ABCA9: variants seen among roughly 807,000 people sequenced by gnomAD.
The protein encoded by ABCA9 is ATP-binding cassette sub-family A member 9.
In ABCA9, 183 loss-of-function variants were observed where a neutral mutation model predicts 205.3. That is an observed-to-expected ratio of 0.89 (90% CI 0.79 to 1.01). The LOEUF (loss-of-function observed/expected upper bound fraction) is 1.01. Among genes scored for constraint, ABCA9 ranks in the 50% least tolerant of loss-of-function variants. The pLI, the probability that ABCA9 is intolerant of heterozygous loss-of-function variation, is 0.00. For synonymous variants in ABCA9, 651 were observed against 683.3 expected (o/e 0.95, Z 0.74); for missense variants, 1,805 against 1,912.4 (o/e 0.94, Z 1.05).
At chr17:68,996,295 A>T (rs2069622223) in intron 25 of ABCA9, among the ~76,000 whole-genome samples, 1 of 152,212 alleles carries the variant, frequency 6.6e-6, no homozygotes, top group Admixed American at 6.5e-5. Context: ...TAAAGTGATT[A>T]TTTATTGTAC....
chr17:69,011,776 C>T (rs781706621), intron 23 of ABCA9, 200 bp downstream of exon 23: 20 of 466,674 alleles, frequency 4.3e-5, no homozygotes, highest in Non-Finnish European at 7.6e-5. Flanking sequence ...GACATCTAAG[C>T]TGTCCTTCCT....
the ABCA9 span, among the ~76,000 whole-genome samples, chr17:69,069,294 C>T: frequency 7.8e-4 from 119 of 152,266 alleles, 1 homozygote; most frequent in South Asian, 0.013. Flanking sequence ...ATTGGTAGGA[C>T]GGAATGCATA....
Position 69,027,897 on chromosome 17 carries a change from TG to T in ABCA9, c.1616-83del, listed in dbSNP as rs2071045084. On this transcript the variant is annotated intron_variant, in intron 12 of 38. Coordinates refer to ENST00000340001, the MANE Select transcript of ABCA9 (RefSeq NM_080283.4). ...ATCTTTTAAAATGGAAAACACTGTA[TG>T]TCAATTATTAGATTCATTTCAACAT... The T allele has an allele frequency of 2.8e-6, 3 of 1,080,592 alleles. No homozygotes were observed. In the East Asian group the frequency reaches 7.2e-5, roughly 26 times the overall value. The allele number at this position is 1,080,592 out of a possible 1,614,324, so 66.9% of individuals were successfully genotyped here. A position where few individuals can be genotyped will look rare whatever the true frequency, so the allele number is the denominator to read the frequency against.
intron 37 of ABCA9, among the ~76,000 whole-genome samples, chr17:68,979,008 C>T (rs2068962876): frequency 6.6e-6 from 1 of 152,084 alleles, no homozygotes; most frequent in African/African-American, 2.4e-5. Context: ...TCCCTGTTTG[C>T]AGATGACATG....
At chr17:69,060,555 A>G (rs766348110) in intron 1 of ABCA9, among the ~76,000 whole-genome samples, 4 of 152,186 alleles carry the variant, frequency 2.6e-5, no homozygotes, top group African/African-American at 4.8e-5. Flanking sequence ...ATTCAAATAA[A>G]TTTGGAAATA....
At chr17:69,061,765 T>C (rs557941783), upstream of ABCA9, among the ~76,000 whole-genome samples, 1 of 152,368 alleles carries the variant, frequency 6.6e-6, no homozygotes, top group South Asian at 2.1e-4. Context: ...GAGCATCTTA[T>C]GTAAGTAGAA....
chr17:68,976,038 AGAG>A lies in ABCA9; in HGVS notation c.4777-28_4777-26del, dbSNP rs1567906206. The A allele has an allele frequency of 3.1e-6, 5 of 1,606,038 alleles. No homozygotes were observed. The South Asian group carries it at 4.4e-5, about 14-fold the overall frequency. On this transcript the variant is annotated intron_variant, in intron 38 of 38. Transcript: ENST00000340001. The stretch of plus-strand genomic sequence containing the variant: ...CCTAAAAGGAAGGAAAGAAATAAAG[AGAG>A]GAGAACAATGCCATACTGCCTCCTG...
At chr17:69,001,096 C>T (rs373093304) in intron 25 of ABCA9, among the ~76,000 whole-genome samples, 31 of 151,858 alleles carry the variant, frequency 2.0e-4, no homozygotes, top group African/African-American at 4.4e-4. Context: ...CTTTTCCTAA[C>T]TGAATACCCT....
At chr17:69,058,218 A>G (rs768933656) in intron 1 of ABCA9, among the ~76,000 whole-genome samples, 1 of 152,176 alleles carries the variant, frequency 6.6e-6, no homozygotes, top group Non-Finnish European at 1.5e-5. Flanking sequence ...TTTTCACATC[A>G]ATGGTATCCT....
chr17:69,049,250 A>G, intron 3 of ABCA9, 33 bp downstream of exon 3: 1 of 1,519,932 alleles, frequency 6.6e-7, no homozygotes, highest in Non-Finnish European at 8.9e-7. Flanking sequence ...TTTTGCAAAT[A>G]AGGAAATTAC....
chr17:69,016,115 T>TATAC (rs1567944874), intron 22 of ABCA9, 138 bp downstream of exon 22: 10 of 287,348 alleles, frequency 3.5e-5, no homozygotes, highest in African/African-American at 2.4e-4. Flanking sequence ...TATATATATA[T>TATAC]ATATATATAC....
intron 36 of ABCA9, 73 bp from the exon 37 acceptor site, chr17:68,982,714 G>T: frequency 8.0e-7 from 1 of 1,246,560 alleles, no homozygotes; most frequent in South Asian, 1.2e-5. Context: ...AGTCTAAAAA[G>T]GGAAACAAGG....
At chr17:68,985,285 T>C (rs1338831786) in intron 32 of ABCA9, among the ~76,000 whole-genome samples, 157 bp from the exon 33 acceptor site, 2 of 152,188 alleles carry the variant, frequency 1.3e-5, no homozygotes, top group Non-Finnish European at 2.9e-5. Flanking sequence ...GAACCTTTCA[T>C]AGTCATCAAA....
rs911479199 is a variant in ABCA9, at chr17:69,021,189, T to C, written c.2401+553A>G. On this transcript the variant is annotated intron_variant, in intron 18 of 38. Coordinates refer to ENST00000340001, the MANE Select transcript of ABCA9 (RefSeq NM_080283.4). ...GAGGAAAAGGAGGATTAAAGAAAAA[T>C]GCTTGATCAATCCAAAAAGACCCCC... Among the ~76,000 whole-genome samples the C allele has an allele frequency of 4.6e-5, 7 of 151,896 alleles. No homozygotes were observed. The South Asian group carries it at 8.3e-4, about 18-fold the overall frequency.
the ABCA9 span, among the ~76,000 whole-genome samples, chr17:69,074,656 T>G: frequency 6.6e-6 from 1 of 152,216 alleles, no homozygotes; most frequent in Non-Finnish European, 1.5e-5. Flanking sequence ...AATCCACCAC[T>G]GACGGGCATC....
chr17:68,989,273 C>T (rs934548691), intron 30 of ABCA9, 155 bp from the exon 31 acceptor site: 5 of 512,428 alleles, frequency 9.8e-6, no homozygotes, highest in African/African-American at 9.6e-5. Context: ...CACACACACA[C>T]ACACACACAC....
At chr17:69,050,951 T>C in intron 2 of ABCA9, 80 bp downstream of exon 2, 1 of 1,313,810 alleles carries the variant, frequency 7.6e-7, no homozygotes, top group East Asian at 2.4e-5. Flanking sequence ...TGTTAAATAA[T>C]GAAAATAAAG....
At position 69,018,534 on chromosome 17, in the gene ABCA9, A is replaced by G. The variant is rs1330119928; in HGVS notation, c.2646T>C (p.His882=). ...TTTTCTGATATGACTCGTAGAATAG[A>G]TGTTCCAAAAGTTGAGGGATAAAGC... is the stretch of plus-strand genomic sequence containing the variant. ...GISFIPQLLE[H]LFYESYQKSY... Residue 882 remains histidine, a synonymous_variant, in exon 20 of 39, where the codon CAT becomes CAC. Transcript: ENST00000340001. 9 of 1,604,618 alleles carry G rather than the reference A, an allele frequency of 5.6e-6. No individual in the cohort carries two copies. The African/African-American group carries it at 1.1e-4, about 19-fold the overall frequency.
rs1162980638 is a variant in ABCA9 at position 68,974,548 on chromosome 17, A to G, written c.*1367T>C. The stretch of plus-strand genomic sequence containing the variant: ...TAGAAGAATATAAGAACTAAAATCA[A>G]AGCCAAGGTCTTTCACACAACTTCC... On this transcript the variant is annotated 3_prime_UTR_variant, in exon 39 of 39. Transcript: ENST00000340001. 2 of 152,204 alleles carry G rather than the reference A, an allele frequency of 1.3e-5. No homozygotes were observed. The highest frequency in any genetic ancestry group is 6.5e-5 in the Admixed American group (1 of 15,278). The allele number at this position is 152,204 out of a possible 1,614,324, so 9.4% of individuals were successfully genotyped here. A position where few individuals can be genotyped will look rare whatever the true frequency, so the allele number is the denominator to read the frequency against.
Sources: gnomAD v4.1 joint callset for allele counts (sites outside exome capture counted in the v4.1 genomes callset) on GRCh38, gnomAD v4.1.1 for gene constraint, MANE v1.5 for transcripts, NCBI Gene and HGNC (gene_info 2026-07-23, HGNC 2026-07-21) for gene names.